Variants in LGSN observed in about 807,000 individuals in gnomAD.
LGSN encodes the protein lengsin, lens protein with glutamine synthetase domain.
A neutral mutation model predicts 19.5 loss-of-function variants in LGSN; 21 were observed. The observed-to-expected ratio is 1.07, with a 90% confidence interval of 0.76 to 1.55. The LOEUF (loss-of-function observed/expected upper bound fraction) is 1.55, where lower values mean the gene tolerates loss of function less well. Ranked by LOEUF, LGSN falls within the 40% of genes most tolerant of loss-of-function variation. The pLI is 0.00. For synonymous variants in LGSN, 257 were observed against 215.6 expected (o/e 1.19, Z -1.68); for missense variants, 673 against 608.5 (o/e 1.11, Z -1.12).
the LGSN span, chr6:63,441,861 C>T: frequency 3.4e-6 from 1 of 296,606 alleles, no homozygotes; most frequent in Non-Finnish European, 6.5e-6. Flanking sequence ...TGTCAGGTGA[C>T]ACAGCTACAG....
chr6:63,558,665 C>T, the LGSN span, among the ~76,000 whole-genome samples: 1 of 152,184 alleles, frequency 6.6e-6, no homozygotes, highest in South Asian at 2.1e-4. Context: ...GGAAGCACAT[C>T]TTAGGGTCAT....
At chr6:63,315,338 C>T (rs994539275) in intron 1 of LGSN, among the ~76,000 whole-genome samples, 3 of 152,018 alleles carry the variant, frequency 2.0e-5, no homozygotes, top group Admixed American at 6.6e-5. Context: ...AACAGCTTTC[C>T]TAGATAAAAT....
chr6:63,392,422 G>A, the LGSN span: 1 of 152,442 alleles, frequency 6.6e-6, no homozygotes, highest in East Asian at 1.9e-4. Flanking sequence ...TGTCTCAGGG[G>A]GCATCACTGC....
At chr6:63,381,296 G>A in the LGSN span, among the ~76,000 whole-genome samples, 1 of 152,176 alleles carries the variant, frequency 6.6e-6, no homozygotes, top group Non-Finnish European at 1.5e-5. Context: ...CAATCTGTAT[G>A]CCAGTTTCAT....
the LGSN span, among the ~76,000 whole-genome samples, chr6:63,410,093 C>T: frequency 6.6e-6 from 1 of 152,108 alleles, no homozygotes; most frequent in East Asian, 1.9e-4. Flanking sequence ...AAAATAGTAC[C>T]TGTCTCTTAA....
the LGSN span, among the ~76,000 whole-genome samples, chr6:63,326,847 C>A: frequency 6.6e-6 from 1 of 152,176 alleles, no homozygotes; most frequent in Admixed American, 6.5e-5. Context: ...TCCACACCTC[C>A]CTGCAAGCTG....
the LGSN span, among the ~76,000 whole-genome samples, chr6:63,332,165 G>A: frequency 2.6e-5 from 4 of 152,114 alleles, no homozygotes; most frequent in Admixed American, 2.0e-4. Flanking sequence ...ACAGGGCTTT[G>A]GGCAAAAATT....
chr6:63,370,838 T>C, the LGSN span, among the ~76,000 whole-genome samples: 1 of 152,240 alleles, frequency 6.6e-6, no homozygotes, highest in Admixed American at 6.5e-5. Flanking sequence ...TAAAATGCTA[T>C]GGCTAGTAGA....
chr6:63,313,005 G>A (rs1562019265), intron 1 of LGSN, among the ~76,000 whole-genome samples: 1 of 152,074 alleles, frequency 6.6e-6, no homozygotes, highest in African/African-American at 2.4e-5. Flanking sequence ...GACCATAAGG[G>A]TCAAAATGTA....
chr6:63,320,060 T>A (rs1769032826), upstream of LGSN: 3 of 788,464 alleles, frequency 3.8e-6, no homozygotes, highest in Non-Finnish European at 6.6e-6. Flanking sequence ...CATAGAGGCT[T>A]TTCCAGAGGG....
the LGSN span, among the ~76,000 whole-genome samples, chr6:63,451,062 TTAAAA>T: frequency 6.6e-6 from 1 of 152,126 alleles, no homozygotes; most frequent in African/African-American, 2.4e-5. Flanking sequence ...TTTTCATTGA[TTAAAA>T]TAAATTTAAG....
the LGSN span, among the ~76,000 whole-genome samples, chr6:63,543,410 G>C: frequency 6.6e-6 from 1 of 152,158 alleles, no homozygotes; most frequent in East Asian, 1.9e-4. Flanking sequence ...TTTGGGTCTT[G>C]TTTACTGTCT....
chr6:63,421,826 TA>T, the LGSN span, among the ~76,000 whole-genome samples: 7 of 151,946 alleles, frequency 4.6e-5, no homozygotes, highest in Admixed American at 2.6e-4. Context: ...TGTGAGACTA[TA>T]AAAAAAGTTC....
chr6:63,364,938 G>A, the LGSN span, among the ~76,000 whole-genome samples: 2 of 152,172 alleles, frequency 1.3e-5, no homozygotes, highest in Admixed American at 6.5e-5. Flanking sequence ...TCAAAGCAGT[G>A]TGTAGAGGGA....
At chr6:63,343,708 C>T in the LGSN span, among the ~76,000 whole-genome samples, 1 of 152,188 alleles carries the variant, frequency 6.6e-6, no homozygotes, top group Admixed American at 6.5e-5. Flanking sequence ...TCAAACTACT[C>T]TAGGTACTGC....
intron 3 of LGSN, among the ~76,000 whole-genome samples, chr6:63,284,792 A>T (rs889557539): frequency 3.3e-5 from 5 of 152,214 alleles, no homozygotes; most frequent in African/African-American, 1.2e-4. Flanking sequence ...ATCTGTTAGA[A>T]TTATTTAAAA....
At chr6:63,414,031 G>A in the LGSN span, among the ~76,000 whole-genome samples, 2 of 152,132 alleles carry the variant, frequency 1.3e-5, no homozygotes, top group East Asian at 3.9e-4. Flanking sequence ...GGGGCCAGTC[G>A]AGAAGAGTGG....
chr6:63,409,697 T>C, the LGSN span, among the ~76,000 whole-genome samples: 1 of 152,194 alleles, frequency 6.6e-6, no homozygotes, highest in African/African-American at 2.4e-5. Context: ...ACAAACAGAC[T>C]TTTTTGCTAC....
rs927185971 is a variant in LGSN at position 63,276,256 on chromosome 6, C to T, written c.*3765G>A. Reference sequence around the variant, plus strand: ...AAGCTCAGACTTCACTGTATGCTTTCAATTTTTATTCAGATTAAAGTTTTT... The same window carrying T: ...AAGCTCAGACTTCACTGTATGCTTTTAATTTTTATTCAGATTAAAGTTTTT... On this transcript the variant is annotated 3_prime_UTR_variant, in exon 4 of 4. Coordinates refer to ENST00000370657, the MANE Select transcript of LGSN (RefSeq NM_016571.3). The T allele has an allele frequency of 1.3e-5, 2 of 152,202 alleles. No individual in the cohort carries two copies. Among genetic ancestry groups the T allele is most frequent in the Non-Finnish European group, 2.9e-5 (2 of 68,038 alleles). 9.4% of individuals were successfully genotyped at this position (152,202 alleles called of 1,614,324 possible).
Sources: gnomAD v4.1 joint callset for allele counts (sites outside exome capture counted in the v4.1 genomes callset) on GRCh38, gnomAD v4.1.1 for gene constraint, MANE v1.5 for transcripts, NCBI Gene and HGNC (gene_info 2026-07-23, HGNC 2026-07-21) for gene names.